The following HIF3A variants were observed in gnomAD, a reference collection of about 807,000 sequenced individuals.
HIF3A encodes the protein hypoxia-inducible factor 3-alpha.
In HIF3A, 41 loss-of-function variants were observed where a neutral mutation model predicts 67.2. That is an observed-to-expected ratio of 0.61 (90% CI 0.48 to 0.79). The LOEUF is 0.79. HIF3A is among the 30% of genes least tolerant of loss of function. The probability of loss-of-function intolerance (pLI) is 0.00; values close to 1 mark genes in which losing one functional copy is unlikely to be tolerated. For missense variants in HIF3A, 855 were observed against 898.0 expected, an observed-to-expected ratio of 0.95 and a Z score of 0.61; for synonymous variants, 356 against 374.8, an observed-to-expected ratio of 0.95 and a Z score of 0.58.
At chr19:46,336,745 G>A (rs1412082115) in intron 14 of HIF3A, among the ~76,000 whole-genome samples, 1 of 151,860 alleles carries the variant, frequency 6.6e-6, no homozygotes, top group East Asian at 2.0e-4. Context: ...CTAGCACTTT[G>A]GGAGGCTGAG....
chr19:46,321,904 G>A lies in HIF3A; in HGVS notation c.1273G>A (p.Ala425Thr), dbSNP rs745855904. The A allele has an allele frequency of 6.2e-7, 1 of 1,613,818 alleles. No individual in the cohort carries two copies. The highest frequency in any genetic ancestry group is 2.2e-5 in the East Asian group (1 of 44,872). The change falls in exon 10 of 15, where the codon GCT (alanine) becomes ACT (threonine). Residue 425 changes from alanine to threonine, a missense_variant. Physicochemically the swap from Ala to Thr is moderately conservative, Grantham distance 58. This residue lies in a region of HIF3A where 638 missense variants were observed against 660.5 expected (regional missense o/e 0.97). Coordinates refer to ENST00000377670, the MANE Select transcript of HIF3A (RefSeq NM_152795.4). ...CCTCCTGGGACCCATCCTGGATGGG[G>A]CTTCAGTAGCAGCCACTCCCAGCAC... ...RRLLGPILDG[A>T]SVAATPSTPL...
intron 14 of HIF3A, among the ~76,000 whole-genome samples, chr19:46,336,716 G>A (rs1315082350): frequency 6.6e-6 from 1 of 151,870 alleles, no homozygotes; most frequent in Non-Finnish European, 1.5e-5. Flanking sequence ...TCCAGGTGCA[G>A]TGGCTCATGC....
intron 5 of HIF3A, 42 bp downstream of exon 5, chr19:46,308,817 T>TCACACCCAGCCCCA: frequency 7.6e-7 from 1 of 1,324,388 alleles, no homozygotes; most frequent in Non-Finnish European, 1.1e-6. Flanking sequence ...ACGCTGGGGC[T>TCACACCCAGCCCCA]GGGTGTGAGC....
intron 2 of HIF3A, chr19:46,304,309 A>G: frequency 1.7e-6 from 1 of 579,764 alleles, no homozygotes; most frequent in Non-Finnish European, 3.1e-6. Flanking sequence ...CCCCCCTCGA[A>G]GTCTATCACT....
In HIF3A at chr19:46,330,544, AGATGGATGGTG is replaced by A. The variant is rs575600932; in HGVS notation, c.1713-591_1713-581del. Among the ~76,000 whole-genome samples the A allele has an allele frequency of 2.1e-3, 309 of 149,162 alleles. 2 individuals carry two copies. Among genetic ancestry groups the A allele is most frequent in the African/African-American group, 7.0e-3 (283 of 40,354 alleles). On this transcript the variant is annotated intron_variant, in intron 12 of 14. Coordinates refer to ENST00000377670, the MANE Select transcript of HIF3A (RefSeq NM_152795.4). ...GTTGGATGGATGGTGGATGGATGGC[AGATGGATGGTG>A]GATGGATGGTGGATGGATGGGTGGT...
chr19:46,305,190 T>C (rs1968727197), intron 2 of HIF3A, 55 bp from the exon 3 acceptor site: 1 of 1,611,924 alleles, frequency 6.2e-7, no homozygotes, highest in East Asian at 2.2e-5. Context: ...GGTCAGTCCA[T>C]AATTCAGACC....
intron 8 of HIF3A, among the ~76,000 whole-genome samples, chr19:46,314,099 A>G (rs1969720850): frequency 6.6e-6 from 1 of 152,104 alleles, no homozygotes. Context: ...TGATTACAAA[A>G]AAACAGCTAC....
intron 4 of HIF3A, 53 bp from the exon 5 acceptor site, chr19:46,308,610 T>C: frequency 9.0e-7 from 1 of 1,112,574 alleles, no homozygotes. Context: ...CGGAGGGCAC[T>C]GGGCCTGTGT....
intron 8 of HIF3A, among the ~76,000 whole-genome samples, chr19:46,318,548 C>CAAA (rs908312286): frequency 0.011 from 573 of 53,786 alleles, 24 homozygotes; most frequent in African/African-American, 0.033. Flanking sequence ...GATCCTGTCT[C>CAAA]AAAAAAAAAA....
chr19:46,331,392 C>CTT (rs761792268), intron 13 of HIF3A, 119 bp downstream of exon 13: 7 of 731,512 alleles, frequency 9.6e-6, no homozygotes, highest in Middle Eastern at 2.8e-4. Context: ...TACAGAAAGT[C>CTT]AGTGGGCCAG....
At chr19:46,326,556 C>T (rs1016557958) in intron 11 of HIF3A, among the ~76,000 whole-genome samples, 2 of 152,090 alleles carry the variant, frequency 1.3e-5, no homozygotes, top group South Asian at 2.1e-4. Flanking sequence ...CCTCTCAAGG[C>T]CCCCCAAAGT....
chr19:46,316,167 G>C (rs1050911450), intron 8 of HIF3A, among the ~76,000 whole-genome samples: 1 of 152,062 alleles, frequency 6.6e-6, no homozygotes, highest in African/African-American at 2.4e-5. Flanking sequence ...GGAGGCAGAG[G>C]TTGCAGTGAG....
At chr19:46,325,716 A>G (rs758728175) in intron 11 of HIF3A, 77 bp downstream of exon 11, 7 of 958,302 alleles carry the variant, frequency 7.3e-6, no homozygotes, top group South Asian at 2.6e-5. Context: ...AGAGAAGGGT[A>G]GTGGGATGGT....
intron 11 of HIF3A, among the ~76,000 whole-genome samples, chr19:46,328,641 A>C (rs1970958907): frequency 6.6e-6 from 1 of 152,040 alleles, no homozygotes; most frequent in African/African-American, 2.4e-5. Flanking sequence ...GTTTCCAGTG[A>C]TATGTTTCTC....
chr19:46,312,824 A>C, intron 8 of HIF3A, 171 bp downstream of exon 8: 1 of 1,336,036 alleles, frequency 7.5e-7, no homozygotes, highest in Non-Finnish European at 9.5e-7. Flanking sequence ...TCACCATGTA[A>C]ATGCCGGTGT....
Position 46,297,173 on chromosome 19 carries a change from G to T in HIF3A, c.26+71G>T. 2 of 615,512 alleles carry T rather than the reference G, an allele frequency of 3.2e-6. No homozygotes were observed. Among genetic ancestry groups the T allele is most frequent in the Non-Finnish European group, 4.9e-6 (2 of 407,436 alleles). 38.1% of individuals were successfully genotyped at this position (615,512 alleles called of 1,614,324 possible). A position where few individuals can be genotyped will look rare whatever the true frequency, so the allele number is the denominator to read the frequency against. ...CTCCTGGAGACCCCTGAGCTGGATT[G>T]TTGGGGGGGGTGGGGTTCGCGGGTG... is the stretch of plus-strand genomic sequence containing the variant. On this transcript the variant is annotated intron_variant, in intron 1 of 14. Transcript: ENST00000377670. This position sits in a 1 kb window ranked among gnomAD's most constrained non-coding sequence, Gnocchi z 4.5.
chr19:46,336,125 G>A (rs1278207715), intron 14 of HIF3A, among the ~76,000 whole-genome samples: 1 of 110,032 alleles, frequency 9.1e-6, no homozygotes, highest in East Asian at 2.9e-4. Flanking sequence ...ACAGAGTCTC[G>A]CTCTGCCACC....
At chr19:46,304,519 C>T (rs1383627168) in intron 2 of HIF3A, among the ~76,000 whole-genome samples, 1 of 152,100 alleles carries the variant, frequency 6.6e-6, no homozygotes, top group Admixed American at 6.5e-5. Flanking sequence ...TCCCTTGTCC[C>T]TTCCCCACCC....
intron 1 of HIF3A, chr19:46,298,421 C>T (rs745900363): frequency 8.5e-6 from 11 of 1,288,648 alleles, no homozygotes; most frequent in Non-Finnish European, 1.1e-5. Context: ...CCGCCGTGCG[C>T]ACCCACTCGT....
Sources: allele counts gnomAD v4.1 joint callset (sites outside exome capture counted in the v4.1 genomes callset), GRCh38; gene constraint gnomAD v4.1.1; regional missense constraint gnomAD v4.1.1; non-coding constraint Gnocchi (gnomAD v3.1); transcripts MANE v1.5; gene names NCBI Gene and HGNC (gene_info 2026-07-23, HGNC 2026-07-21).